TMEM135: variants seen among roughly 807,000 people sequenced by gnomAD.
TMEM135 encodes the protein peroxisomal membrane protein 52.
In TMEM135, 30 loss-of-function variants were observed where a neutral mutation model predicts 60.3. The ratio of observed to expected loss-of-function variants is 0.50; its 90% CI spans 0.37 to 0.68. The LOEUF (loss-of-function observed/expected upper bound fraction) is 0.68, where lower values mean the gene tolerates loss of function less well. Ranked by LOEUF, TMEM135 falls within the 30% of genes least tolerant of loss-of-function variation. The pLI, the probability that TMEM135 is intolerant of heterozygous loss-of-function variation, is 0.00. For synonymous variants in TMEM135, 190 were observed against 186.7 expected (o/e 1.02, Z -0.14); for missense variants, 468 against 548.8 (o/e 0.85, Z 1.47).
At chr11:87,191,037 G>A (rs2156765) in intron 5 of TMEM135, among the ~76,000 whole-genome samples, 20,025 of 151,810 alleles carry the variant, frequency 0.13, 1,376 homozygotes, top group Non-Finnish European at 0.15. Flanking sequence ...TTCCAAAATC[G>A]CTCATTCACA....
At chr11:87,176,254 A>T (rs1395398688) in intron 5 of TMEM135, among the ~76,000 whole-genome samples, 6 of 152,102 alleles carry the variant, frequency 3.9e-5, no homozygotes, top group Admixed American at 3.3e-4. Context: ...TGTTAGAAAG[A>T]GCCTGGCACC....
intron 3 of TMEM135, among the ~76,000 whole-genome samples, chr11:87,086,028 T>G (rs1412568962): frequency 1.3e-5 from 2 of 151,694 alleles, no homozygotes; most frequent in Admixed American, 6.6e-5. Context: ...CCTTGTAGAT[T>G]GTTAAGTTTT....
chr11:87,276,558 T>TTGTGTGTTTG (rs563707939), intron 6 of TMEM135, among the ~76,000 whole-genome samples: 1 of 148,790 alleles, frequency 6.7e-6, no homozygotes, highest in African/African-American at 2.5e-5. Flanking sequence ...ATAAGAGTGT[T>TTGTGTGTTTG]TGTGTGTGTG....
intron 6 of TMEM135, among the ~76,000 whole-genome samples, chr11:87,238,794 T>C (rs1565497353): frequency 6.6e-6 from 1 of 152,020 alleles, no homozygotes; most frequent in East Asian, 1.9e-4. Flanking sequence ...AATGCAATCG[T>C]AAAAAGCTTA....
Position 87,229,984 on chromosome 11 carries a change from C to T in TMEM135, c.463-6654C>T, listed in dbSNP as rs960906149. On this transcript the variant is annotated intron_variant, in intron 5 of 14. Coordinates refer to ENST00000305494, the MANE Select transcript of TMEM135 (RefSeq NM_022918.4). ...ATTTACCAGTTTAATATATCAGTTT[C>T]GTGGGTTTTTCAAATATTTACTGAG... Among the ~76,000 whole-genome samples the T allele has an allele frequency of 5.9e-5, 9 of 152,002 alleles. 1 individual carries two copies. Among genetic ancestry groups the T allele is most frequent in the South Asian group, 4.1e-4 (2 of 4,822 alleles).
chr11:87,267,119 G>A (rs1039080589), intron 6 of TMEM135, among the ~76,000 whole-genome samples: 2 of 152,160 alleles, frequency 1.3e-5, no homozygotes, highest in Non-Finnish European at 2.9e-5. Context: ...TGAATTGGAA[G>A]TGTCTTAAGA....
intron 4 of TMEM135, among the ~76,000 whole-genome samples, chr11:87,110,460 T>A (rs1319443): frequency 0.55 from 81,695 of 149,248 alleles, 22,824 homozygotes; most frequent in East Asian, 0.7. Flanking sequence ...TCTTTGAATT[T>A]AAAAAAAAAA....
intron 6 of TMEM135, among the ~76,000 whole-genome samples, chr11:87,252,427 G>A (rs767982775): frequency 1.3e-4 from 20 of 152,188 alleles, no homozygotes; most frequent in African/African-American, 4.3e-4. Context: ...TCTAATGCTC[G>A]TGGCTTTCTA....
At chr11:87,157,516 T>C (rs542126969) in intron 5 of TMEM135, 110 bp downstream of exon 5, 1 of 935,630 alleles carries the variant, frequency 1.1e-6, no homozygotes. Flanking sequence ...TAGAGAGATA[T>C]CTGATGTATA....
chr11:87,177,719 C>T (rs556993687), intron 5 of TMEM135, among the ~76,000 whole-genome samples: 1 of 152,144 alleles, frequency 6.6e-6, no homozygotes, highest in Non-Finnish European at 1.5e-5. Flanking sequence ...TAATACAGTT[C>T]TGACACTAAC....
chr11:87,272,388 C>T (rs568176083), intron 6 of TMEM135, among the ~76,000 whole-genome samples: 7 of 152,158 alleles, frequency 4.6e-5, no homozygotes, highest in African/African-American at 1.7e-4. Context: ...GATGACTCTG[C>T]TCTAGAAGAT....
chr11:87,195,988 C>T (rs908395729), intron 5 of TMEM135, among the ~76,000 whole-genome samples: 3 of 151,814 alleles, frequency 2.0e-5, no homozygotes, highest in African/African-American at 7.3e-5. Context: ...TGAGGAAATA[C>T]TATTAAAAAG....
chr11:87,103,625 G>A (rs1156245128), intron 4 of TMEM135, among the ~76,000 whole-genome samples: 1 of 151,042 alleles, frequency 6.6e-6, no homozygotes, highest in African/African-American at 2.4e-5. Context: ...TGTATAATTT[G>A]CAAATATTTT....
intron 4 of TMEM135, among the ~76,000 whole-genome samples, chr11:87,135,941 A>G (rs952642825): frequency 2.1e-4 from 32 of 151,960 alleles, no homozygotes; most frequent in Admixed American, 2.0e-3. Flanking sequence ...TTCAGTGTAC[A>G]GGTCTTGTAT....
rs758441267 is a variant in TMEM135 at position 87,324,270 on chromosome 11, G to A, written c.*2937G>A. On this transcript the variant is annotated 3_prime_UTR_variant, in exon 15 of 15. Coordinates refer to ENST00000305494, the MANE Select transcript of TMEM135 (RefSeq NM_022918.4). ...ATGTCCTTTACTCTCAGGGAGCTTC[G>A]TCCACTTGCCTGTGTCACAACCTCT... The A allele has an allele frequency of 6.4e-5, 29 of 453,904 alleles. No homozygotes were observed. Among genetic ancestry groups the A allele is most frequent in the African/African-American group, 1.2e-4 (6 of 50,042 alleles). 28.1% of individuals were successfully genotyped at this position (453,904 alleles called of 1,614,324 possible).
At chr11:87,236,371 T>A (rs941230301) in intron 5 of TMEM135, among the ~76,000 whole-genome samples, 1 of 151,782 alleles carries the variant, frequency 6.6e-6, no homozygotes, top group Non-Finnish European at 1.5e-5. Context: ...TAAAAAAAAA[T>A]TGCAAAAAAA....
Position 87,322,282 on chromosome 11 carries a change from G to A in TMEM135, c.*949G>A, listed in dbSNP as rs1565172361. Reference sequence around the variant, plus strand: ...CAAGTTGGCAGTTTGTGTCCTCTCAGCTGTTTAACTTATGTAATGGATGTT... The same window carrying A: ...CAAGTTGGCAGTTTGTGTCCTCTCAACTGTTTAACTTATGTAATGGATGTT... On this transcript the variant is annotated 3_prime_UTR_variant, in exon 15 of 15. Coordinates refer to ENST00000305494, the MANE Select transcript of TMEM135 (RefSeq NM_022918.4). The A allele has an allele frequency of 2.2e-6, 1 of 454,152 alleles. No homozygotes were observed. The highest frequency in any genetic ancestry group is 4.4e-6 in the Non-Finnish European group (1 of 226,738). The allele number at this position is 454,152 out of a possible 1,614,324, so 28.1% of individuals were successfully genotyped here. A position where few individuals can be genotyped will look rare whatever the true frequency, so the allele number is the denominator to read the frequency against.
chr11:87,138,518 T>A (rs1311574382), intron 4 of TMEM135, among the ~76,000 whole-genome samples: 1 of 152,320 alleles, frequency 6.6e-6, no homozygotes, highest in East Asian at 1.9e-4. Flanking sequence ...AATCAGTAAA[T>A]AAGCACTTAC....
chr11:87,209,117 T>C (rs961593883), intron 5 of TMEM135, among the ~76,000 whole-genome samples: 9 of 152,276 alleles, frequency 5.9e-5, no homozygotes, highest in Non-Finnish European at 1.2e-4. Flanking sequence ...CATAACCCCA[T>C]TGGCACTATA....
Sources: allele counts gnomAD v4.1 joint callset (sites outside exome capture counted in the v4.1 genomes callset), GRCh38; gene constraint gnomAD v4.1.1; transcripts MANE v1.5; gene names NCBI Gene and HGNC (gene_info 2026-07-23, HGNC 2026-07-21).